Variants in ATP7B observed in about 807,000 individuals in gnomAD.
ATP7B encodes copper-transporting ATPase 2.
Under a neutral mutation model 118.9 loss-of-function variants are expected in ATP7B, and 113 were observed. The observed-to-expected ratio is 0.95, with a 90% confidence interval of 0.82 to 1.11. The LOEUF is 1.11. Among genes scored for constraint, ATP7B ranks in the 50% most tolerant of loss-of-function variants. The pLI is 0.00. For missense variants in ATP7B, 1,867 were observed against 1,871.4 expected, an observed-to-expected ratio of 1.00 and a Z score of 0.04; for synonymous variants, 777 against 727.4, an observed-to-expected ratio of 1.07 and a Z score of -1.10.
At chr13:51,988,449 C>A (rs1439428097) in intron 1 of ATP7B, among the ~76,000 whole-genome samples, 1 of 152,142 alleles carries the variant, frequency 6.6e-6, no homozygotes, top group Non-Finnish European at 1.5e-5. Flanking sequence ...CACTTTTACA[C>A]TATTGGTGGG....
chr13:51,962,514 C>T lies in ATP7B; in HGVS notation c.1870-601G>A, dbSNP rs553723762. 2.6e-5 allele frequency among the ~76,000 whole-genome samples: 4 copies of T among 152,292 alleles called. No homozygotes were observed. The East Asian group carries it at 5.8e-4, about 22-fold the overall frequency. ...TGAATACACACAGGAAAAACTGCCA[C>T]GAATGCTCTTGTCTGGTAGCACAAT... On this transcript the variant is annotated intron_variant, in intron 5 of 20. Transcript: ENST00000242839.
chr13:51,981,084 G>T (rs1183089069), intron 1 of ATP7B, among the ~76,000 whole-genome samples: 1 of 152,152 alleles, frequency 6.6e-6, no homozygotes, highest in African/African-American at 2.4e-5. Flanking sequence ...CCATTTCACT[G>T]TTGAAACTGA....
chr13:51,938,782 T>C (rs561735240), intron 17 of ATP7B, among the ~76,000 whole-genome samples: 2 of 152,328 alleles, frequency 1.3e-5, no homozygotes, highest in Non-Finnish European at 2.9e-5. Flanking sequence ...TTTTTTTCCA[T>C]TGCAAAGACT....
chr13:51,959,596 T>G (rs1229355131), intron 7 of ATP7B: 1 of 156,364 alleles, frequency 6.4e-6, no homozygotes, highest in Non-Finnish European at 1.4e-5. Context: ...GGGATTTAGT[T>G]TTATATTCCA....
intron 1 of ATP7B, among the ~76,000 whole-genome samples, chr13:52,005,776 C>A (rs1048449808): frequency 6.6e-6 from 1 of 152,232 alleles, no homozygotes; most frequent in African/African-American, 2.4e-5. Flanking sequence ...TACCAACACT[C>A]CACTTCTTGG....
At chr13:51,973,413 A>G (rs1343814310) in intron 2 of ATP7B, among the ~76,000 whole-genome samples, 4 of 152,204 alleles carry the variant, frequency 2.6e-5, no homozygotes, top group African/African-American at 9.6e-5. Flanking sequence ...GGGCTTTAAG[A>G]AGTGACTGGA....
chr13:52,004,265 A>G (rs1161020250), intron 1 of ATP7B, among the ~76,000 whole-genome samples: 1 of 152,218 alleles, frequency 6.6e-6, no homozygotes, highest in African/African-American at 2.4e-5. Flanking sequence ...CTGTCTCAAA[A>G]AAAAAGAGAG....
rs754159735 is a variant in ATP7B at position 51,964,865 on chromosome 13, T to G, written c.1869+7A>C. On this transcript the variant is annotated splice_region_variant and intron_variant, in intron 5 of 20. Coordinates refer to ENST00000242839, the MANE Select transcript of ATP7B (RefSeq NM_000053.4). ...AGGTGACTACAATTTTTTAATGAAT[T>G]ACTTACCTCAATAATTTTGATAATA... The G allele has an allele frequency of 6.2e-7, 1 of 1,613,590 alleles. No individual in the cohort carries two copies. Among genetic ancestry groups the G allele is most frequent in the Non-Finnish European group, 8.5e-7 (1 of 1,179,486 alleles).
intron 6 of ATP7B, 146 bp from the exon 7 acceptor site, chr13:51,960,468 ACT>A (rs895072034): frequency 1.4e-4 from 142 of 995,380 alleles, no homozygotes; most frequent in African/African-American, 1.6e-4. Flanking sequence ...GAAAGTAAGA[ACT>A]CTCTCTCTCT....
intron 1 of ATP7B, among the ~76,000 whole-genome samples, chr13:52,004,727 G>C (rs1294158002): frequency 6.6e-6 from 1 of 152,080 alleles, no homozygotes; most frequent in Non-Finnish European, 1.5e-5. Flanking sequence ...ATTCCCCCTA[G>C]ATGGAGCCCT....
chr13:51,970,421 G>A (rs1470363781), intron 3 of ATP7B, 71 bp downstream of exon 3: 6 of 1,596,318 alleles, frequency 3.8e-6, no homozygotes, highest in Admixed American at 1.7e-5. Context: ...ACAGTTGCTG[G>A]GTATTCTGAA....
chr13:52,007,243 TACCAGGTGGTATG>T (rs1953816621), intron 1 of ATP7B, among the ~76,000 whole-genome samples: 1 of 152,208 alleles, frequency 6.6e-6, no homozygotes, highest in Non-Finnish European at 1.5e-5. Context: ...TAAATAATCA[TACCAGGTGGTATG>T]ACCAAGTGTC....
intron 1 of ATP7B, among the ~76,000 whole-genome samples, chr13:51,981,207 C>A (rs1210985248): frequency 6.6e-6 from 1 of 152,130 alleles, no homozygotes; most frequent in Non-Finnish European, 1.5e-5. Flanking sequence ...TTTAGAGTAA[C>A]CTTTTCTTTT....
intron 9 of ATP7B, among the ~76,000 whole-genome samples, chr13:51,955,658 T>C (rs1366861777): frequency 3.9e-5 from 6 of 152,088 alleles, no homozygotes; most frequent in Admixed American, 2.6e-4. Flanking sequence ...CCTCAAACTG[T>C]ACCGAAGACC....
At chr13:51,980,770 T>C (rs1315880740) in intron 1 of ATP7B, among the ~76,000 whole-genome samples, 3 of 152,138 alleles carry the variant, frequency 2.0e-5, no homozygotes, top group South Asian at 2.1e-4. Flanking sequence ...TTAAATAGGA[T>C]ACCAGTCAGT....
At chr13:51,954,963 A>C (rs1159936125) in intron 9 of ATP7B, among the ~76,000 whole-genome samples, 1 of 152,184 alleles carries the variant, frequency 6.6e-6, no homozygotes, top group Non-Finnish European at 1.5e-5. Flanking sequence ...AGGAAAAAGG[A>C]GAGAAGAAAG....
chr13:51,988,113 G>A (rs1455410214), intron 1 of ATP7B, among the ~76,000 whole-genome samples: 1 of 151,846 alleles, frequency 6.6e-6, no homozygotes, highest in African/African-American at 2.4e-5. Flanking sequence ...TCATCAGAGT[G>A]AACAGGCAAC....
Position 51,946,315 on chromosome 13 carries a change from T to G in ATP7B, c.3029A>C (p.Lys1010Thr), listed in dbSNP as rs747584649. Residue 1010 changes from lysine (K) to threonine (T), a missense_variant, in exon 13 of 21, where the codon AAG becomes ACG. Coordinates refer to ENST00000242839, the MANE Select transcript of ATP7B (RefSeq NM_000053.4). The stretch of plus-strand genomic sequence containing the variant: ...CGCCATCTCCAGGGGCTTGCCTCCC[T>G]TGATGAGGATGCCGTTCTGCGCGGC... ...GVAAQNGILI[K>T]GGKPLEMAHK... is the part of the protein sequence containing the mutation. 2.5e-6 allele frequency: 4 copies of G among 1,601,258 alleles called. No homozygotes were observed. In the East Asian group the frequency reaches 9.0e-5, roughly 36 times the overall value.
chr13:51,953,640 G>A (rs1382288371), intron 9 of ATP7B, among the ~76,000 whole-genome samples: 1 of 152,064 alleles, frequency 6.6e-6, no homozygotes, highest in Admixed American at 6.6e-5. Context: ...TCCAAGTGCT[G>A]AGCGATAGGA....
Sources: gnomAD v4.1 joint callset for allele counts (sites outside exome capture counted in the v4.1 genomes callset) on GRCh38, gnomAD v4.1.1 for gene constraint, MANE v1.5 for transcripts, NCBI Gene and HGNC (gene_info 2026-07-23, HGNC 2026-07-21) for gene names.